QKI: variants seen among roughly 807,000 people sequenced by gnomAD.
QKI encodes the protein QKI, KH domain containing RNA binding.
Under a neutral mutation model 39.0 loss-of-function variants are expected in QKI, and 10 were observed. That is an observed-to-expected ratio of 0.26 (90% CI 0.16 to 0.43). The LOEUF is 0.43. QKI is among the 20% of genes least tolerant of loss of function. The probability of loss-of-function intolerance (pLI) is 1.00; values close to 1 mark genes in which losing one functional copy is unlikely to be tolerated. For synonymous variants in QKI, 204 were observed against 155.4 expected (o/e 1.31, Z -2.33); for missense variants, 218 against 428.0 (o/e 0.51, Z 4.33).
chr6:163,560,907 A>C (rs1031354790), intron 4 of QKI, among the ~76,000 whole-genome samples: 3 of 152,076 alleles, frequency 2.0e-5, no homozygotes. Context: ...AGTGGGACCA[A>C]TTCAAGGTAA....
intron 4 of QKI, among the ~76,000 whole-genome samples, chr6:163,559,397 T>G (rs775546732): frequency 6.6e-6 from 1 of 152,066 alleles, no homozygotes; most frequent in Non-Finnish European, 1.5e-5. Flanking sequence ...TTTGAAACTT[T>G]TGATAAGTTT....
intron 4 of QKI, among the ~76,000 whole-genome samples, chr6:163,548,691 T>G (rs1382802301): frequency 6.6e-6 from 1 of 152,154 alleles, no homozygotes; most frequent in African/African-American, 2.4e-5. Context: ...TGAGTAGACC[T>G]AGCATGTTTG....
chr6:163,562,678 T>C (rs1255860999), intron 5 of QKI, among the ~76,000 whole-genome samples: 2 of 152,228 alleles, frequency 1.3e-5, no homozygotes, highest in Non-Finnish European at 2.9e-5. Context: ...AATTTATATT[T>C]TGAAACAATT....
chr6:163,457,489 C>T (rs578006629), intron 2 of QKI: 43 of 455,736 alleles, frequency 9.4e-5, no homozygotes, highest in Non-Finnish European at 1.3e-4. Context: ...ATAGTATCTA[C>T]GCTTTCTGGG....
intron 2 of QKI, among the ~76,000 whole-genome samples, chr6:163,476,015 A>G (rs1792565212): frequency 1.3e-5 from 2 of 152,230 alleles, no homozygotes; most frequent in African/African-American, 2.4e-5. Flanking sequence ...AGGTAACACA[A>G]TAGAAAAACA....
At chr6:163,490,707 ACTCTT>A (rs1777996295) in intron 3 of QKI, among the ~76,000 whole-genome samples, 2 of 152,096 alleles carry the variant, frequency 1.3e-5, no homozygotes, top group African/African-American at 4.8e-5. Flanking sequence ...GTGCATTGAC[ACTCTT>A]CTCTTTTAAA....
chr6:163,531,969 G>C (rs1367047133), intron 3 of QKI, among the ~76,000 whole-genome samples: 1 of 152,224 alleles, frequency 6.6e-6, no homozygotes, highest in African/African-American at 2.4e-5. Flanking sequence ...GGTAGATGTA[G>C]CTTTCTCCTA....
chr6:163,429,469 A>G (rs1248190440), intron 1 of QKI, among the ~76,000 whole-genome samples: 1 of 152,142 alleles, frequency 6.6e-6, no homozygotes, highest in Admixed American at 6.5e-5. Context: ...TTATAGTAAT[A>G]TATTTCATGC....
chr6:163,479,589 C>T (rs970850471), intron 3 of QKI, among the ~76,000 whole-genome samples: 1 of 152,200 alleles, frequency 6.6e-6, no homozygotes, highest in Admixed American at 6.5e-5. Flanking sequence ...TCAGTCTGGT[C>T]TCGAACTCCT....
intron 3 of QKI, among the ~76,000 whole-genome samples, chr6:163,503,451 T>C (rs1393905821): frequency 2.0e-5 from 3 of 152,086 alleles, no homozygotes; most frequent in Non-Finnish European, 2.9e-5. Context: ...AAGTTCCTTA[T>C]AGATTCCAGA....
At chr6:163,518,599 G>A (rs1490526034) in intron 3 of QKI, among the ~76,000 whole-genome samples, 1 of 152,042 alleles carries the variant, frequency 6.6e-6, no homozygotes, top group African/African-American at 2.4e-5. Context: ...GTACCTTTTT[G>A]TGAAGAAGGC....
At chr6:163,417,122 T>C (rs1582943023) in intron 1 of QKI, among the ~76,000 whole-genome samples, 2 of 152,300 alleles carry the variant, frequency 1.3e-5, no homozygotes, top group South Asian at 2.1e-4. Flanking sequence ...TTTTCGAACA[T>C]TGAAAATACT....
In QKI at chr6:163,570,943, C is replaced by T. The variant is rs1583240086; in HGVS notation, c.*233C>T. The T allele has an allele frequency of 5.8e-6, 3 of 517,772 alleles. No homozygotes were observed. The highest frequency in any genetic ancestry group is 3.3e-5 in the East Asian group (1 of 30,260). 32.1% of individuals were successfully genotyped at this position (517,772 alleles called of 1,614,324 possible). On this transcript the variant is annotated 3_prime_UTR_variant, in exon 8 of 8. Transcript: ENST00000361752. Reference sequence around the variant, plus strand: ...TGGGTGAAAGTGGTTCTAGAAACTGCACTGAATAGTAGTAAAGCAATAAGG... The same window carrying T: ...TGGGTGAAAGTGGTTCTAGAAACTGTACTGAATAGTAGTAAAGCAATAAGG...
chr6:163,453,133 G>T (rs1790696728), intron 1 of QKI, among the ~76,000 whole-genome samples: 1 of 147,676 alleles, frequency 6.8e-6, no homozygotes, highest in Admixed American at 6.7e-5. Context: ...TTGTTTATCT[G>T]GAAAATCAGT....
intron 4 of QKI, among the ~76,000 whole-genome samples, chr6:163,539,566 C>T (rs940391805): frequency 1.3e-5 from 2 of 152,104 alleles, no homozygotes; most frequent in African/African-American, 4.8e-5. Flanking sequence ...AAGGTGCCTT[C>T]CTAAATAGGC....
At chr6:163,565,911 T>C (rs779065737) in intron 6 of QKI, 2 of 1,613,016 alleles carry the variant, frequency 1.2e-6, no homozygotes, top group Non-Finnish European at 1.7e-6. Context: ...TCTTCATTGA[T>C]GACTAATTTT....
chr6:163,570,723 T>C lies in QKI; in HGVS notation c.*13T>C. ...CACCGGCAACTAACCTATGACCTTC[T>C]GACCTCTGAACTCTTCACCCAATGA... On this transcript the variant is annotated 3_prime_UTR_variant, in exon 8 of 8. Transcript: ENST00000361752. 2 of 1,613,414 alleles carry C rather than the reference T, an allele frequency of 1.2e-6. No homozygotes were observed. The highest frequency in any genetic ancestry group is 4.5e-5 in the East Asian group (2 of 44,856).
At chr6:163,493,243 G>T (rs1008690034) in intron 3 of QKI, among the ~76,000 whole-genome samples, 11 of 150,776 alleles carry the variant, frequency 7.3e-5, no homozygotes, top group African/African-American at 2.7e-4. Context: ...CGATTCTCCT[G>T]CCTCAGCCTC....
At chr6:163,500,299 G>A (rs1778680376) in intron 3 of QKI, among the ~76,000 whole-genome samples, 1 of 152,160 alleles carries the variant, frequency 6.6e-6, no homozygotes, top group Non-Finnish European at 1.5e-5. Context: ...TGTGTGTAGG[G>A]AGTTGGGCAA....
Sources: gnomAD v4.1 joint callset for allele counts (sites outside exome capture counted in the v4.1 genomes callset) on GRCh38, gnomAD v4.1.1 for gene constraint, MANE v1.5 for transcripts, NCBI Gene and HGNC (gene_info 2026-07-23, HGNC 2026-07-21) for gene names.